TENM3: variants seen among roughly 807,000 people sequenced by gnomAD.
TENM3 encodes the protein teneurin transmembrane protein 3.
In TENM3, 63 loss-of-function variants were observed where a neutral mutation model predicts 255.1. The observed-to-expected ratio is 0.25, with a 90% CI of 0.20 to 0.30. The LOEUF is 0.30. TENM3 is among the 10% of genes least tolerant of loss of function. TENM3 has a pLI of 1.00. For synonymous variants in TENM3, 1,306 were observed against 1,322.3 expected (o/e 0.99, Z 0.27); for missense variants, 2,929 against 3,461.1 (o/e 0.85, Z 3.86).
intron 3 of TENM3, among the ~76,000 whole-genome samples, chr4:182,357,396 T>G (rs1481820460): frequency 6.6e-6 from 1 of 152,202 alleles, no homozygotes; most frequent in Non-Finnish European, 1.5e-5. Context: ...CCTGACTTTT[T>G]AATGATTGCC....
chr4:181,977,913 G>GT, the TENM3 span, among the ~76,000 whole-genome samples: 1 of 152,196 alleles, frequency 6.6e-6, no homozygotes, highest in Non-Finnish European at 1.5e-5. Flanking sequence ...AGGACTGAAA[G>GT]TAAGAACAAT....
At chr4:182,131,340 A>T in the TENM3 span, among the ~76,000 whole-genome samples, 1 of 152,206 alleles carries the variant, frequency 6.6e-6, no homozygotes, top group Non-Finnish European at 1.5e-5. Context: ...TTAGAAGATA[A>T]ACCTAAATGG....
intron 1 of TENM3, among the ~76,000 whole-genome samples, chr4:182,302,686 T>C (rs950956622): frequency 6.6e-6 from 1 of 152,220 alleles, no homozygotes; most frequent in Non-Finnish European, 1.5e-5. Context: ...TTGTTCTATC[T>C]AATTCTAAAA....
At chr4:181,722,930 G>A in the TENM3 span, among the ~76,000 whole-genome samples, 1 of 152,046 alleles carries the variant, frequency 6.6e-6, no homozygotes. Flanking sequence ...GGACCACAAT[G>A]GGCCAGGCTA....
chr4:182,694,466 G>T (rs1478477136), intron 12 of TENM3, among the ~76,000 whole-genome samples: 4 of 152,086 alleles, frequency 2.6e-5, no homozygotes, highest in African/African-American at 7.2e-5. Flanking sequence ...GGATATTGAT[G>T]TATTTTTCTT....
At chr4:181,862,215 CTT>C in the TENM3 span, among the ~76,000 whole-genome samples, 1 of 151,844 alleles carries the variant, frequency 6.6e-6, no homozygotes, top group Admixed American at 6.6e-5. Context: ...ATTATGCAAA[CTT>C]AACACACACA....
intron 3 of TENM3, among the ~76,000 whole-genome samples, chr4:182,347,846 C>T (rs1262435242): frequency 3.9e-5 from 6 of 152,084 alleles, no homozygotes; most frequent in African/African-American, 7.2e-5. Flanking sequence ...CTATGCATAT[C>T]CTATGCATCA....
chr4:182,477,654 ATTACCCAAG>A (rs147148510), intron 3 of TENM3, among the ~76,000 whole-genome samples: 9,062 of 152,196 alleles, frequency 0.06, 398 homozygotes, highest in African/African-American at 0.12. Context: ...GTATGATTAA[ATTACCCAAG>A]TTTCCAGGAT....
chr4:181,886,356 C>A, the TENM3 span, among the ~76,000 whole-genome samples: 2 of 152,146 alleles, frequency 1.3e-5, no homozygotes, highest in African/African-American at 4.8e-5. Context: ...CATGCCCGGC[C>A]TCTACAACTT....
the TENM3 span, among the ~76,000 whole-genome samples, chr4:181,544,427 A>AAAAAAAAAC: frequency 3.4e-5 from 5 of 147,978 alleles, no homozygotes; most frequent in African/African-American, 1.3e-4. Context: ...AAAAAAAAAA[A>AAAAAAAAAC]AAAAAAAAAC....
chr4:181,911,391 C>T, the TENM3 span, among the ~76,000 whole-genome samples: 1 of 152,142 alleles, frequency 6.6e-6, no homozygotes, highest in African/African-American at 2.4e-5. Flanking sequence ...ACAGACTGAC[C>T]TCTTTGGAGT....
chr4:182,736,898 A>G lies in TENM3; in HGVS notation c.3058A>G (p.Ile1020Val), dbSNP rs1761214162. The G allele has an allele frequency of 1.2e-6, 2 of 1,613,840 alleles. No homozygotes were observed. The highest frequency in any genetic ancestry group is 4.5e-5 in the East Asian group (2 of 44,852). ...RAAGYKSVLK[I>V]TMTQSIIPFN... ...TGCAGGGTATAAGTCAGTTCTCAAGATCACCATGACCCAGTCTATTATTCC... is the reference window on the plus strand; with the variant it reads ...TGCAGGGTATAAGTCAGTTCTCAAGGTCACCATGACCCAGTCTATTATTCC... The change falls in exon 17 of 28, where the codon ATC (isoleucine) becomes GTC (valine). Residue 1020 changes from isoleucine (I) to valine (V), a missense_variant. Transcript: ENST00000511685.
At chr4:181,722,527 T>C in the TENM3 span, among the ~76,000 whole-genome samples, 1 of 152,222 alleles carries the variant, frequency 6.6e-6, no homozygotes, top group Non-Finnish European at 1.5e-5. Context: ...TAGCTAGAAG[T>C]ATCATAAGGA....
the TENM3 span, among the ~76,000 whole-genome samples, chr4:181,957,878 CCCACCCAA>C: frequency 6.6e-6 from 1 of 152,160 alleles, no homozygotes; most frequent in Non-Finnish European, 1.5e-5. Flanking sequence ...AAATGCTGAT[CCCACCCAA>C]CTGGGATTAT....
chr4:182,599,586 G>A (rs924658003), intron 3 of TENM3, among the ~76,000 whole-genome samples: 1 of 152,122 alleles, frequency 6.6e-6, no homozygotes, highest in Non-Finnish European at 1.5e-5. Flanking sequence ...TATGAGAGGA[G>A]TTATTTTTAT....
the TENM3 span, among the ~76,000 whole-genome samples, chr4:181,905,299 TA>T: frequency 2.0e-5 from 3 of 152,220 alleles, no homozygotes; most frequent in African/African-American, 7.2e-5. Flanking sequence ...GTGCTTTGTT[TA>T]CAACATAGAT....
At chr4:182,392,329 C>G (rs1220416167) in intron 3 of TENM3, among the ~76,000 whole-genome samples, 2 of 152,202 alleles carry the variant, frequency 1.3e-5, no homozygotes, top group Admixed American at 6.5e-5. Context: ...AACTGTGAAA[C>G]AGCAAATGTT....
the TENM3 span, among the ~76,000 whole-genome samples, chr4:181,807,101 A>G: frequency 6.6e-6 from 1 of 152,114 alleles, no homozygotes; most frequent in Admixed American, 6.5e-5. Flanking sequence ...TTTTTCATTT[A>G]TAATTCTACC....
chr4:181,459,539 C>T, the TENM3 span, among the ~76,000 whole-genome samples: 2 of 151,782 alleles, frequency 1.3e-5, no homozygotes, highest in African/African-American at 2.4e-5. Flanking sequence ...TCTGAGGTAA[C>T]AGTCATTTTT....
Sources: gnomAD v4.1 joint callset for allele counts (sites outside exome capture counted in the v4.1 genomes callset) on GRCh38, gnomAD v4.1.1 for gene constraint, MANE v1.5 for transcripts, NCBI Gene and HGNC (gene_info 2026-07-23, HGNC 2026-07-21) for gene names.